ERMP1: variants seen among roughly 807,000 people sequenced by gnomAD.
ERMP1 encodes the protein Felix-ina.
ERMP1 carries 86 observed loss-of-function variants against 92.0 expected under a neutral mutation model. That is an observed-to-expected ratio of 0.93 (90% CI 0.79 to 1.12). The LOEUF is 1.12. ERMP1 is among the 50% of genes most tolerant of loss of function. The probability of loss-of-function intolerance (pLI) is 0.00; values close to 1 mark genes in which losing one functional copy is unlikely to be tolerated. For missense variants in ERMP1, 1,342 were observed against 1,116.3 expected (o/e 1.20, Z -2.88); for synonymous variants, 530 against 412.8 (o/e 1.28, Z -3.44).
At chr9:5,820,670 A>G (rs2131257767) in intron 4 of ERMP1, among the ~76,000 whole-genome samples, 2 of 152,368 alleles carry the variant, frequency 1.3e-5, no homozygotes, top group African/African-American at 2.4e-5. Context: ...AGGGAGTTCC[A>G]GAGCACAAAC....
intron 10 of ERMP1, among the ~76,000 whole-genome samples, chr9:5,803,790 C>G (rs1394889435): frequency 6.6e-6 from 1 of 152,140 alleles, no homozygotes; most frequent in Non-Finnish European, 1.5e-5. Flanking sequence ...ACTTTTCATA[C>G]AGCCCTATGA....
chr9:5,823,845 T>A (rs755437224), intron 4 of ERMP1, 51 bp downstream of exon 4: 1 of 1,298,110 alleles, frequency 7.7e-7, no homozygotes, highest in South Asian at 1.3e-5. Flanking sequence ...ACTTTCTACT[T>A]TTACAAAAAC....
At chr9:5,822,918 G>A (rs372512447) in intron 4 of ERMP1, among the ~76,000 whole-genome samples, 10 of 152,110 alleles carry the variant, frequency 6.6e-5, no homozygotes, top group East Asian at 1.9e-4. Flanking sequence ...CATGCTTAGC[G>A]TTCCAATAAT....
intron 4 of ERMP1, among the ~76,000 whole-genome samples, chr9:5,821,170 C>A (rs1438403289): frequency 6.6e-6 from 1 of 152,108 alleles, no homozygotes; most frequent in Admixed American, 6.5e-5. Context: ...CTGTTTTTTG[C>A]TTTATTATTA....
intron 6 of ERMP1, among the ~76,000 whole-genome samples, chr9:5,850,775 G>A (rs1830299955): frequency 6.6e-6 from 1 of 152,184 alleles, no homozygotes; most frequent in Non-Finnish European, 1.5e-5. Flanking sequence ...GGAAACCCAT[G>A]GCCATTGTGA....
At position 5,833,110 on chromosome 9, in the gene ERMP1, C is replaced by G; in HGVS notation, c.-83G>C. 4.8e-6 allele frequency: 6 copies of G among 1,250,728 alleles called. No individual in the cohort carries two copies. The highest frequency in any genetic ancestry group is 6.3e-6 in the Non-Finnish European group (6 of 957,038). 77.5% of individuals were successfully genotyped at this position (1,250,728 alleles called of 1,614,324 possible). On this transcript the variant is annotated 5_prime_UTR_variant, in exon 1 of 15. Transcript: ENST00000339450. ...GCCGACGCCGCCGTCGCTGCCGCAG[C>G]GCCTCCTAGTGAGCGGACGGAAACT...
intron 6 of ERMP1, among the ~76,000 whole-genome samples, chr9:5,840,614 G>A (rs532088342): frequency 1.1e-4 from 17 of 152,344 alleles, no homozygotes; most frequent in African/African-American, 1.7e-4. Flanking sequence ...GTACGATGCC[G>A]CAGTTCAGAG....
chr9:5,823,644 G>C (rs1014797233), intron 4 of ERMP1, among the ~76,000 whole-genome samples: 9 of 152,134 alleles, frequency 5.9e-5, no homozygotes, highest in Non-Finnish European at 1.2e-4. Flanking sequence ...ATGTTGTTTG[G>C]AGGATTCAAT....
intron 6 of ERMP1, 121 bp from the exon 7 acceptor site, chr9:5,811,444 G>T: frequency 2.8e-6 from 2 of 714,068 alleles, no homozygotes; most frequent in East Asian, 5.5e-5. Flanking sequence ...CTGTTTGAAT[G>T]AAGAAATGGT....
At chr9:5,861,704 G>A (rs953526486) in intron 5 of ERMP1, among the ~76,000 whole-genome samples, 10 of 136,194 alleles carry the variant, frequency 7.3e-5, no homozygotes, top group African/African-American at 2.1e-4. Context: ...TGACCCCAGA[G>A]AAGAGAGGAA....
At chr9:5,846,168 A>G (rs185602156) in intron 6 of ERMP1, among the ~76,000 whole-genome samples, 322 of 152,320 alleles carry the variant, frequency 2.1e-3, no homozygotes, top group Middle Eastern at 6.8e-3. Context: ...TCTGGGAGCT[A>G]GGGACAGCTT....
chr9:5,819,984 T>G (rs1448182227), intron 4 of ERMP1, among the ~76,000 whole-genome samples: 2 of 152,132 alleles, frequency 1.3e-5, no homozygotes, highest in Admixed American at 1.3e-4. Context: ...AGCTGTAACT[T>G]TAAAAAAAAG....
intron 11 of ERMP1, among the ~76,000 whole-genome samples, chr9:5,800,247 G>A (rs958595922): frequency 9.2e-5 from 14 of 152,176 alleles, no homozygotes; most frequent in African/African-American, 3.1e-4. Flanking sequence ...AATTTGTGTA[G>A]TATGAGAACT....
intron 6 of ERMP1, among the ~76,000 whole-genome samples, chr9:5,841,079 C>T (rs1341177487): frequency 6.6e-6 from 1 of 152,188 alleles, no homozygotes; most frequent in African/African-American, 2.4e-5. Flanking sequence ...CATACCCTTG[C>T]AGGTATGTAC....
At chr9:5,809,556 C>T (rs1172235278) in intron 8 of ERMP1, among the ~76,000 whole-genome samples, 1 of 152,158 alleles carries the variant, frequency 6.6e-6, no homozygotes, top group Non-Finnish European at 1.5e-5. Context: ...GTACAACATT[C>T]TTTTAGGCAA....
chr9:5,827,062 C>G (rs1189952744), intron 2 of ERMP1, among the ~76,000 whole-genome samples: 1 of 152,148 alleles, frequency 6.6e-6, no homozygotes, highest in Non-Finnish European at 1.5e-5. Flanking sequence ...TAACTCAATG[C>G]CTCTTCTACC....
At chr9:5,829,000 T>C (rs1472828122) in intron 2 of ERMP1, among the ~76,000 whole-genome samples, 1 of 151,610 alleles carries the variant, frequency 6.6e-6, no homozygotes, top group African/African-American at 2.4e-5. Flanking sequence ...TCTCAGAAAT[T>C]TGGGAGACTG....
At chr9:5,825,817 G>C (rs1256241304) in intron 2 of ERMP1, among the ~76,000 whole-genome samples, 1 of 152,150 alleles carries the variant, frequency 6.6e-6, no homozygotes, top group Non-Finnish European at 1.5e-5. Context: ...TAGTATCCTA[G>C]GTCCCAGAAC....
chr9:5,810,329 A>G (rs998004445), intron 7 of ERMP1, 98 bp from the exon 8 acceptor site: 28 of 781,368 alleles, frequency 3.6e-5, no homozygotes, highest in Non-Finnish European at 6.3e-6. Context: ...AAAACAAAAA[A>G]CTCCCCACTG....
Sources: allele counts gnomAD v4.1 joint callset (sites outside exome capture counted in the v4.1 genomes callset), GRCh38; gene constraint gnomAD v4.1.1; transcripts MANE v1.5; gene names NCBI Gene and HGNC (gene_info 2026-07-23, HGNC 2026-07-21).